The following DMD variants were observed in gnomAD, a reference collection of about 807,000 sequenced individuals.
DMD encodes the protein mutant dystrophin.
In DMD, 63 loss-of-function variants were observed where a neutral mutation model predicts 330.1. The observed-to-expected ratio is 0.19, with a 90% CI of 0.16 to 0.24. The LOEUF (loss-of-function observed/expected upper bound fraction) is 0.24. Ranked by LOEUF, DMD falls within the 10% of genes least tolerant of loss-of-function variation. The pLI, the probability that DMD is intolerant of heterozygous loss-of-function variation, is 1.00. For synonymous variants in DMD, 1,223 were observed against 959.8 expected, an observed-to-expected ratio of 1.27 and a Z score of -5.07; for missense variants, 3,344 against 2,684.1, an observed-to-expected ratio of 1.25 and a Z score of -5.43.
chrX:32,835,041 C>A (rs777892195), intron 4 of DMD, among the ~76,000 whole-genome samples: 1 of 110,993 alleles, frequency 9.0e-6, no homozygotes, highest in African/African-American at 3.3e-5. Flanking sequence ...CTTTACCAGA[C>A]AAAAAATTAA....
chrX:32,802,067 G>A (rs6653890), intron 7 of DMD, among the ~76,000 whole-genome samples: 5,234 of 111,815 alleles, frequency 0.047, 288 homozygotes, highest in African/African-American at 0.15. Context: ...GTAGCTTAAT[G>A]AGGTAACATT....
rs1244207903 is a variant in DMD at position 33,145,638 on chromosome X, ACT to A, written c.31+65642_31+65643del. On this transcript the variant is annotated intron_variant, in intron 1 of 78. Coordinates refer to ENST00000357033, the MANE Select transcript of DMD (RefSeq NM_004006.3). ...TTATCATATAATGTATTTATATAAT[ACT>A]AAATATATATATATATACAGTAATG... Among the ~76,000 whole-genome samples, 5 of 45,052 alleles carry A rather than the reference ACT, an allele frequency of 1.1e-4. No individual in the cohort carries two copies. The South Asian group carries it at 4.1e-3, about 37-fold the overall frequency. 39.1% of individuals were successfully genotyped at this position (45,052 alleles called of 115,157 possible).
intron 9 of DMD, among the ~76,000 whole-genome samples, chrX:32,676,407 G>C (rs922167008): frequency 7.2e-5 from 8 of 111,046 alleles, no homozygotes; most frequent in Non-Finnish European, 1.3e-4. Context: ...TTATCTGTCT[G>C]TACCATAGAA....
At chrX:31,511,325 TTTATTTATTTA>T (rs1355560376) in intron 55 of DMD, among the ~76,000 whole-genome samples, 5 of 89,084 alleles carry the variant, frequency 5.6e-5, no homozygotes, top group African/African-American at 2.3e-4. Flanking sequence ...TATTTATTTA[TTTATTTATTTA>T]TTATTATTAT....
intron 30 of DMD, among the ~76,000 whole-genome samples, chrX:32,406,091 C>A (rs1284733528): frequency 9.0e-6 from 1 of 111,558 alleles, no homozygotes; most frequent in Non-Finnish European, 1.9e-5. Flanking sequence ...GTGATTTTTG[C>A]ACATTGATTT....
intron 60 of DMD, among the ~76,000 whole-genome samples, chrX:31,380,081 A>C (rs2060087686): frequency 9.1e-6 from 1 of 110,376 alleles, no homozygotes; most frequent in Non-Finnish European, 1.9e-5. Flanking sequence ...ATCAATACGG[A>C]GGCTACCCAC....
intron 7 of DMD, among the ~76,000 whole-genome samples, chrX:32,706,799 T>C (rs1426170799): frequency 1.8e-5 from 2 of 111,461 alleles, no homozygotes; most frequent in Non-Finnish European, 3.8e-5. Flanking sequence ...ATAGTGATTG[T>C]AAAAACTATG....
At chrX:32,609,685 T>G (rs1277490898) in intron 12 of DMD, among the ~76,000 whole-genome samples, 1 of 111,500 alleles carries the variant, frequency 9.0e-6, no homozygotes, top group Admixed American at 9.5e-5. Flanking sequence ...TGTCTGCCTT[T>G]AACTAACCTT....
intron 61 of DMD, among the ~76,000 whole-genome samples, chrX:31,344,406 T>C (rs2057965990): frequency 8.9e-6 from 1 of 111,736 alleles, no homozygotes; most frequent in Admixed American, 9.6e-5. Flanking sequence ...GTAAATTTGG[T>C]ACAGCCACAG....
intron 2 of DMD, among the ~76,000 whole-genome samples, chrX:32,977,324 G>A (rs1245508927): frequency 9.0e-6 from 1 of 110,686 alleles, no homozygotes; most frequent in Non-Finnish European, 1.9e-5. Flanking sequence ...AAGAAATAAT[G>A]TATACATATT....
chrX:32,998,935 T>C (rs1476558515), intron 2 of DMD, among the ~76,000 whole-genome samples: 4 of 111,900 alleles, frequency 3.6e-5, no homozygotes, highest in African/African-American at 1.3e-4. Flanking sequence ...AAAACTATAG[T>C]TTATAGGCTA....
chrX:32,178,273 T>C (rs1279361554), intron 44 of DMD, among the ~76,000 whole-genome samples: 19 of 109,810 alleles, frequency 1.7e-4, no homozygotes, highest in African/African-American at 6.0e-4. Context: ...AATATATTAA[T>C]GAGGTTAACT....
chrX:31,386,908 T>C (rs765741042), intron 60 of DMD, among the ~76,000 whole-genome samples: 15 of 111,535 alleles, frequency 1.3e-4, no homozygotes, highest in Non-Finnish European at 2.8e-4. Context: ...CTCGGTCAGA[T>C]CTACTTATGG....
At chrX:31,234,590 C>T in intron 63 of DMD, among the ~76,000 whole-genome samples, 1 of 111,920 alleles carries the variant, frequency 8.9e-6, no homozygotes, top group East Asian at 2.8e-4. Context: ...TAACTGTGTA[C>T]TAAGCCCAGG....
chrX:32,041,115 A>G (rs989190825), intron 44 of DMD, among the ~76,000 whole-genome samples: 1 of 112,091 alleles, frequency 8.9e-6, no homozygotes, highest in African/African-American at 3.2e-5. Flanking sequence ...ATGTCCATCC[A>G]TTCAAAAGAA....
At chrX:32,484,202 T>A (rs201412665) in intron 21 of DMD, among the ~76,000 whole-genome samples, 8 of 111,713 alleles carry the variant, frequency 7.2e-5, no homozygotes, top group African/African-American at 2.6e-4. Flanking sequence ...TACTATTTCT[T>A]AAAGGTGGTC....
At chrX:32,202,942 C>A (rs1893830801) in intron 44 of DMD, among the ~76,000 whole-genome samples, 1 of 112,018 alleles carries the variant, frequency 8.9e-6, no homozygotes, top group African/African-American at 3.2e-5. Flanking sequence ...TTGAAAAGTG[C>A]AAATCTCATC....
intron 27 of DMD, among the ~76,000 whole-genome samples, chrX:32,446,420 A>C (rs1005451556): frequency 2.7e-5 from 3 of 110,189 alleles, no homozygotes; most frequent in African/African-American, 9.8e-5. Flanking sequence ...AAAAAAAAAA[A>C]CCTGTCCTTA....
chrX:31,153,450 T>C (rs147575728), intron 74 of DMD, among the ~76,000 whole-genome samples: 222 of 108,880 alleles, frequency 2.0e-3, no homozygotes, highest in African/African-American at 7.5e-3. Context: ...GAAAGCCCAC[T>C]AATTTAGCCC....
Sources: gnomAD v4.1 joint callset for allele counts (sites outside exome capture counted in the v4.1 genomes callset) on GRCh38, gnomAD v4.1.1 for gene constraint, MANE v1.5 for transcripts, NCBI Gene and HGNC (gene_info 2026-07-23, HGNC 2026-07-21) for gene names.